PCP4: variants seen among roughly 807,000 people sequenced by gnomAD.
The protein encoded by PCP4 is calmodulin regulator protein PCP4.
PCP4 carries 8 observed loss-of-function variants against 10.0 expected under a neutral mutation model. The ratio of observed to expected loss-of-function variants is 0.80; its 90% CI spans 0.47 to 1.45. The LOEUF is 1.45. Among genes scored for constraint, PCP4 ranks in the 40% most tolerant of loss-of-function variants. The probability of loss-of-function intolerance (pLI) is 0.00; values close to 1 mark genes in which losing one functional copy is unlikely to be tolerated. For missense variants in PCP4, 54 were observed against 74.4 expected (o/e 0.73, Z 1.01); for synonymous variants, 21 against 23.0 (o/e 0.91, Z 0.24).
In PCP4 at chr21:39,870,867, A is replaced by G. The variant is rs571128119; in HGVS notation, c.9+3357A>G. Among the ~76,000 whole-genome samples, 94 of 152,242 alleles carry G rather than the reference A, an allele frequency of 6.2e-4. 1 individual carries two copies. Among genetic ancestry groups the G allele is most frequent in the African/African-American group, 2.2e-3 (90 of 41,556 alleles). On this transcript the variant is annotated intron_variant, in intron 1 of 2. Transcript: ENST00000328619. ...GGGCTTTTTTCTTGCTTTGGCGTGG[A>G]TGGGAAAGTGCAACTCAGTACAAGG...
chr21:39,912,788 C>A (rs9808781), intron 2 of PCP4, among the ~76,000 whole-genome samples: 82,298 of 151,968 alleles, frequency 0.54, 22,951 homozygotes, highest in Middle Eastern at 0.69. Context: ...TTAGCTCACT[C>A]TAACCTTGAA....
Position 39,906,778 on chromosome 21 carries a change from G to A in PCP4, c.61+8251G>A, listed in dbSNP as rs957348101. Reference sequence around the variant, plus strand: ...TTATTCTCAATGAATTACTCTTAAAGATCTTCAAGATCTTGGCCATGAAGC... The same window carrying A: ...TTATTCTCAATGAATTACTCTTAAAAATCTTCAAGATCTTGGCCATGAAGC... On this transcript the variant is annotated intron_variant, in intron 2 of 2. Transcript: ENST00000328619. This position sits in a 1 kb window ranked among gnomAD's most constrained non-coding sequence, Gnocchi z 6.3. Among the ~76,000 whole-genome samples, 1 of 152,142 alleles carries A rather than the reference G, an allele frequency of 6.6e-6. No individual in the cohort carries two copies. The highest frequency in any genetic ancestry group is 1.5e-5 in the Non-Finnish European group (1 of 68,046).
chr21:39,915,314 G>A (rs1368329519), intron 2 of PCP4, among the ~76,000 whole-genome samples: 9 of 152,246 alleles, frequency 5.9e-5, no homozygotes, highest in East Asian at 3.9e-4. Context: ...ATGGATGCAC[G>A]TAAGCAAAAG....
chr21:39,885,632 C>T (rs1189583983), intron 1 of PCP4, among the ~76,000 whole-genome samples: 1 of 152,236 alleles, frequency 6.6e-6, no homozygotes, highest in East Asian at 1.9e-4. Context: ...CTGCAGAGGG[C>T]ACACACCCAA....
At chr21:39,869,202 C>T (rs2087307964) in intron 1 of PCP4, among the ~76,000 whole-genome samples, 1 of 152,216 alleles carries the variant, frequency 6.6e-6, no homozygotes, top group Non-Finnish European at 1.5e-5. Context: ...GGGATTCTGG[C>T]TCAGTCATGC....
intron 2 of PCP4, among the ~76,000 whole-genome samples, chr21:39,901,441 T>C (rs1344863277): frequency 6.6e-6 from 1 of 152,326 alleles, no homozygotes; most frequent in East Asian, 1.9e-4. Context: ...CCCCTTGGCT[T>C]TATCTTGACA....
At chr21:39,901,318 T>G (rs62236560) in intron 2 of PCP4, among the ~76,000 whole-genome samples, 21,021 of 152,286 alleles carry the variant, frequency 0.14, 1,648 homozygotes, top group Middle Eastern at 0.23. Context: ...GGGTACCTGG[T>G]TCACACTTTG....
intron 2 of PCP4, among the ~76,000 whole-genome samples, chr21:39,899,096 C>T (rs1383672506): frequency 6.6e-6 from 1 of 152,122 alleles, no homozygotes; most frequent in East Asian, 1.9e-4. Flanking sequence ...TAGGAATGAT[C>T]ATCATATTTT....
chr21:39,928,302 A>C (rs2087634619), intron 2 of PCP4, among the ~76,000 whole-genome samples: 1 of 152,160 alleles, frequency 6.6e-6, no homozygotes, highest in African/African-American at 2.4e-5. Flanking sequence ...TGCTGTGGTA[A>C]GGTATACAGC....
chr21:39,882,623 G>A (rs1310644545), intron 1 of PCP4, among the ~76,000 whole-genome samples: 2 of 152,148 alleles, frequency 1.3e-5, no homozygotes, highest in Non-Finnish European at 2.9e-5. Flanking sequence ...CATCATCCTC[G>A]GAGGGACAGG....
chr21:39,888,377 A>T (rs1432974944), intron 1 of PCP4, among the ~76,000 whole-genome samples: 1 of 152,204 alleles, frequency 6.6e-6, no homozygotes, highest in Non-Finnish European at 1.5e-5. Context: ...CACCCATTTA[A>T]CATCACTCAA....
chr21:39,900,679 G>A (rs1179994423), intron 2 of PCP4, among the ~76,000 whole-genome samples: 5 of 151,924 alleles, frequency 3.3e-5, no homozygotes, highest in Non-Finnish European at 7.4e-5. Context: ...CCAATCCCCT[G>A]TATGGCCTGC....
At chr21:39,890,907 A>C (rs1601176551) in intron 1 of PCP4, among the ~76,000 whole-genome samples, 1 of 152,074 alleles carries the variant, frequency 6.6e-6, no homozygotes, top group East Asian at 1.9e-4. Flanking sequence ...TTTTGTTTTC[A>C]AAGGAATTTG....
intron 1 of PCP4, among the ~76,000 whole-genome samples, chr21:39,897,173 G>A (rs912276513): frequency 6.6e-6 from 1 of 151,582 alleles, no homozygotes; most frequent in Non-Finnish European, 1.5e-5. Flanking sequence ...GTGGATCATG[G>A]GGTCACGAGT....
intron 1 of PCP4, among the ~76,000 whole-genome samples, chr21:39,868,876 G>A (rs2087306393): frequency 6.6e-6 from 1 of 152,142 alleles, no homozygotes; most frequent in South Asian, 2.1e-4. Context: ...CAGAGGGGAT[G>A]GCAGAGGTTG....
chr21:39,926,650 A>T (rs2087622749), intron 2 of PCP4, among the ~76,000 whole-genome samples: 2 of 152,210 alleles, frequency 1.3e-5, no homozygotes, highest in Admixed American at 1.3e-4. Flanking sequence ...TTGGTACAAA[A>T]GGGTTTATTG....
chr21:39,869,659 C>T (rs1320753488), intron 1 of PCP4, among the ~76,000 whole-genome samples: 1 of 152,144 alleles, frequency 6.6e-6, no homozygotes, highest in Non-Finnish European at 1.5e-5. Context: ...GCATGTGCTC[C>T]TTGGAGAGCA....
chr21:39,881,266 A>G (rs2087374337), intron 1 of PCP4, among the ~76,000 whole-genome samples: 1 of 152,140 alleles, frequency 6.6e-6, no homozygotes, highest in African/African-American at 2.4e-5. Context: ...TATTATACCA[A>G]AAAAGAAAGT....
chr21:39,875,184 C>CT (rs896165965), intron 1 of PCP4, among the ~76,000 whole-genome samples: 79 of 148,952 alleles, frequency 5.3e-4, no homozygotes, highest in African/African-American at 1.7e-3. Flanking sequence ...AGAAATATCA[C>CT]TTTTTTTTTT....
Sources: gnomAD v4.1 joint callset for allele counts (sites outside exome capture counted in the v4.1 genomes callset) on GRCh38, gnomAD v4.1.1 for gene constraint, Gnocchi (gnomAD v3.1) non-coding constraint, MANE v1.5 for transcripts, NCBI Gene and HGNC (gene_info 2026-07-23, HGNC 2026-07-21) for gene names.